The following FCRL3 variants were observed in gnomAD, a reference collection of about 807,000 sequenced individuals.
The protein encoded by FCRL3 is Fc receptor like 3, also known as Fc receptor-like protein 3.
FCRL3 carries 89 observed loss-of-function variants against 75.0 expected under a neutral mutation model. That is an observed-to-expected ratio of 1.19 (90% confidence interval 1.00 to 1.42). The LOEUF is 1.42. Ranked by LOEUF, FCRL3 falls within the 40% of genes most tolerant of loss-of-function variation. FCRL3 has a pLI of 0.00. For synonymous variants in FCRL3, 376 were observed against 348.5 expected, an observed-to-expected ratio of 1.08 and a Z score of -0.88; for missense variants, 946 against 880.0, an observed-to-expected ratio of 1.07 and a Z score of -0.95.
chr1:157,683,245 C>T lies in FCRL3; in HGVS notation c.1811-1G>A. ...GATGTTCCAGTGGCAGAAAGTCCTC[C>T]TGCAAAACAAACAAAGGAAGGTTGG... On this transcript the variant is annotated splice_acceptor_variant, in intron 10 of 14. Coordinates refer to ENST00000368184, the MANE Select transcript of FCRL3 (RefSeq NM_052939.4). LOFTEE classifies it high-confidence loss of function. 1.9e-6 allele frequency: 3 copies of T among 1,613,420 alleles called. No homozygotes were observed. The highest frequency in any genetic ancestry group is 2.5e-6 in the Non-Finnish European group (3 of 1,179,718).
rs1656237363 is a variant in FCRL3, at chr1:157,700,393, C to T, written c.31+66G>A. The T allele has an allele frequency of 2.5e-6, 4 of 1,611,544 alleles. No individual in the cohort carries two copies. In the Admixed American group the frequency reaches 5.0e-5, roughly 20 times the overall value. On this transcript the variant is annotated intron_variant, in intron 2 of 14. Coordinates refer to ENST00000368184, the MANE Select transcript of FCRL3 (RefSeq NM_052939.4). ...CAAGTAGAAGCAGAGATAGAAGCTC[C>T]TTGAGTTTTTCCCTGGTCACCTTTA...
At chr1:157,685,541 CAAAG>C (rs1655124813) in intron 10 of FCRL3, among the ~76,000 whole-genome samples, 1 of 152,024 alleles carries the variant, frequency 6.6e-6, no homozygotes, top group African/African-American at 2.4e-5. Context: ...AGAAAACTGA[CAAAG>C]AAACTCTGGA....
rs183720695 is a variant in FCRL3 at position 157,686,244 on chromosome 1, A to G, written c.1811-3000T>C. Among the ~76,000 whole-genome samples, 832 of 143,096 alleles carry G rather than the reference A, an allele frequency of 5.8e-3. 6 individuals are homozygous for G. Among genetic ancestry groups the G allele is most frequent in the African/African-American group, 0.022 (793 of 36,416 alleles). 93.9% of individuals were successfully genotyped at this position (143,096 alleles called of 152,430 possible). A position where few individuals can be genotyped will look rare whatever the true frequency, so the allele number is the denominator to read the frequency against. On this transcript the variant is annotated intron_variant, in intron 10 of 14. Coordinates refer to ENST00000368184, the MANE Select transcript of FCRL3 (RefSeq NM_052939.4). ...AGGAATACAGCTAACAAAGGAGGTG[A>G]AAGATCTCTGCGAGAAATTAAAAAA...
rs182423486 is a variant in FCRL3, at chr1:157,697,145, A to G, written c.839T>C (p.Val280Ala). The part of the protein sequence containing the change: ...KKRSLRSQIR[V>A]QRVPVSNVNL... ...GCAGCCCCTTAGACACTCACTCTGT[A>G]CACGTATCTGAGATCTCAGGCTCCT... Residue 280 changes from valine (V) to alanine (A), a missense_variant, in exon 6 of 15, where the codon GTA becomes GCA. Coordinates refer to ENST00000368184, the MANE Select transcript of FCRL3 (RefSeq NM_052939.4). The G allele has an allele frequency of 2.7e-6, 4 of 1,502,934 alleles. No homozygotes were observed. The highest frequency in any genetic ancestry group is 2.3e-5 in the East Asian group (1 of 43,162). 93.1% of individuals were successfully genotyped at this position (1,502,934 alleles called of 1,614,324 possible). A position where few individuals can be genotyped will look rare whatever the true frequency, so the allele number is the denominator to read the frequency against.
intron 10 of FCRL3, among the ~76,000 whole-genome samples, chr1:157,687,730 C>A (rs936974565): frequency 6.6e-6 from 1 of 151,350 alleles, no homozygotes; most frequent in Non-Finnish European, 1.5e-5. Flanking sequence ...GGGACCTAAA[C>A]ATTGAGCAAA....
At chr1:157,693,274 C>CAAA (rs375572340) in intron 8 of FCRL3, among the ~76,000 whole-genome samples, 42 of 54,576 alleles carry the variant, frequency 7.7e-4, no homozygotes, top group African/African-American at 1.1e-3. Flanking sequence ...GACTCCATCT[C>CAAA]AAAAAAAAAA....
At chr1:157,681,165 C>A (rs1654814887) in intron 11 of FCRL3, 66 bp from the exon 12 acceptor site, 8 of 1,133,204 alleles carry the variant, frequency 7.1e-6, no homozygotes, top group South Asian at 2.4e-5. Context: ...TCAGGGAAAT[C>A]AATATTCTGG....
At chr1:157,689,025 G>A (rs1380935763) in intron 10 of FCRL3, among the ~76,000 whole-genome samples, 1 of 152,026 alleles carries the variant, frequency 6.6e-6, no homozygotes. Context: ...CAGATAAACA[G>A]CATTGAAAAA....
chr1:157,696,926 C>A, intron 6 of FCRL3: 1 of 387,618 alleles, frequency 2.6e-6, no homozygotes, highest in South Asian at 1.2e-4. Context: ...TAGGGTTGGG[C>A]AATCAGTAAC....
Position 157,696,208 on chromosome 1 carries a change from A to G in FCRL3, c.964T>C (p.Trp322Arg). ...CTTCTTACTCTTCCTTCTTTGTGCC[A>G]GGAGAATGTGACAGTCCCTGAACCC... ...AQGSGTVTFS[W>R]HKEGRVRSLG... Residue 322 changes from tryptophan (W) to arginine (R), a missense_variant, in exon 7 of 15, where the codon TGG becomes CGG. Coordinates refer to ENST00000368184, the MANE Select transcript of FCRL3 (RefSeq NM_052939.4). The G allele has an allele frequency of 6.2e-7, 1 of 1,614,010 alleles. No individual in the cohort carries two copies. The highest frequency in any genetic ancestry group is 8.5e-7 in the Non-Finnish European group (1 of 1,180,004).
chr1:157,690,519 G>A lies in FCRL3; in HGVS notation c.1426C>T (p.Pro476Ser). Residue 476 changes from proline to serine, a missense_variant, in exon 9 of 15, where the codon CCC becomes TCC. Physicochemically the swap from Pro to Ser is moderately conservative, Grantham distance 74. Transcript: ENST00000368184. ...CCGGGAGCCCTGAGGGTGAGGACGG[G>A]GCGAGACACCGGAACTGAGGGAGGA... ...SLRVTVPVSR[P>S]VLTLRAPGAQ... The A allele has an allele frequency of 6.2e-7, 1 of 1,614,096 alleles. No individual in the cohort carries two copies. The highest frequency in any genetic ancestry group is 8.5e-7 in the Non-Finnish European group (1 of 1,179,992).
In FCRL3 at chr1:157,698,429, G is replaced by A. The variant is rs200786585; in HGVS notation, c.253C>T (p.Arg85Ter). The change falls in exon 4 of 15, where the codon CGA becomes TGA. Residue 85 changes from arginine (R) to a stop codon, truncating the protein, a stop_gained. Transcript: ENST00000368184. LOFTEE classifies it high-confidence loss of function. The stretch of plus-strand genomic sequence containing the variant: ...ACGGCATCACTGAGGGAGGATCCTC[G>A]GGTCTTACATTGGTAATTTCCAGGC... ...TEPGNYQCKT[R>*]GSSLSDAVHV... 11 of 1,614,158 alleles carry A rather than the reference G, an allele frequency of 6.8e-6. No individual in the cohort carries two copies. The highest frequency in any genetic ancestry group is 2.7e-5 in the African/African-American group (2 of 75,022).
intron 11 of FCRL3, 54 bp downstream of exon 11, chr1:157,683,163 G>C (rs879223618): frequency 1.9e-6 from 3 of 1,578,442 alleles, no homozygotes; most frequent in Non-Finnish European, 1.7e-6. Context: ...AACAAGTCTC[G>C]TGCATATAAA....
chr1:157,688,587 G>A (rs1404740802), intron 10 of FCRL3, among the ~76,000 whole-genome samples: 1 of 151,146 alleles, frequency 6.6e-6, no homozygotes, highest in Non-Finnish European at 1.5e-5. Flanking sequence ...AAATTCACTG[G>A]CAGGCAGTCA....
At chr1:157,687,068 A>T (rs1301464045) in intron 10 of FCRL3, among the ~76,000 whole-genome samples, 2 of 151,898 alleles carry the variant, frequency 1.3e-5, no homozygotes, top group Non-Finnish European at 2.9e-5. Context: ...TGAGACCTGT[A>T]AGGAACTTAA....
intron 10 of FCRL3, among the ~76,000 whole-genome samples, chr1:157,684,087 T>A (rs1345566764): frequency 6.6e-6 from 1 of 152,164 alleles, no homozygotes; most frequent in Non-Finnish European, 1.5e-5. Context: ...AAGTATTTAC[T>A]TTGAGGACTT....
At position 157,677,645 on chromosome 1, in the gene FCRL3, T is replaced by C; in HGVS notation, c.*1065A>G. On this transcript the variant is annotated 3_prime_UTR_variant, in exon 15 of 15. Coordinates refer to ENST00000368184, the MANE Select transcript of FCRL3 (RefSeq NM_052939.4). ...CCAGATATTTTACACAAGTAAATACTAAACAGCAATAAAAACAAATGAACT... is the reference window on the plus strand; with the variant it reads ...CCAGATATTTTACACAAGTAAATACCAAACAGCAATAAAAACAAATGAACT... 1.0e-6 allele frequency: 1 copy of C among 959,578 alleles called. No homozygotes were observed. The highest frequency in any genetic ancestry group is 1.2e-6 in the Non-Finnish European group (1 of 806,570). The allele number at this position is 959,578 out of a possible 1,614,324, so 59.4% of individuals were successfully genotyped here. A position where few individuals can be genotyped will look rare whatever the true frequency, so the allele number is the denominator to read the frequency against.
rs369960709 is a variant in FCRL3 at position 157,698,472 on chromosome 1, G to T, written c.210C>A (p.Asp70Glu). 9 of 1,614,044 alleles carry T rather than the reference G, an allele frequency of 5.6e-6. No homozygotes were observed. In the African/African-American group the frequency reaches 8.0e-5, roughly 14 times the overall value. Residue 70 changes from aspartate (D) to glutamate (E), a missense_variant, in exon 4 of 15, where the codon GAC becomes GAA. By Grantham distance (45) the Asp-to-Glu change is conservative. Coordinates refer to ENST00000368184, the MANE Select transcript of FCRL3 (RefSeq NM_052939.4). ...TTCCAGGCTCTGTAATTTGGATCTT[G>T]TCATGTTTTATTTTCAACAACTTCT... ...HDEKLLKIKHDKIQITEPGNY... is the reference protein window; with the variant it reads ...HDEKLLKIKHEKIQITEPGNY...
At chr1:157,679,010 G>T (rs1216785235) in intron 13 of FCRL3, 37 bp from the exon 14 acceptor site, 3 of 1,611,474 alleles carry the variant, frequency 1.9e-6, no homozygotes, top group Non-Finnish European at 1.7e-6. Context: ...GTATTAAACT[G>T]TGGGCAATAT....
Sources: gnomAD v4.1 joint callset for allele counts (sites outside exome capture counted in the v4.1 genomes callset) on GRCh38, gnomAD v4.1.1 for gene constraint, MANE v1.5 for transcripts, NCBI Gene and HGNC (gene_info 2026-07-23, HGNC 2026-07-21) for gene names.